ARB2A: variants seen among roughly 807,000 people sequenced by gnomAD.
The protein encoded by ARB2A is ARB2 cotranscriptional regulator A.
chr5:93,687,017 A>C, the ARB2A span, among the ~76,000 whole-genome samples: 1 of 152,164 alleles, frequency 6.6e-6, no homozygotes, highest in African/African-American at 2.4e-5. Flanking sequence ...AACAAACTCC[A>C]TAAGCAAAGC....
the ARB2A span, among the ~76,000 whole-genome samples, chr5:93,673,552 A>G: frequency 6.6e-6 from 1 of 152,358 alleles, no homozygotes; most frequent in African/African-American, 2.4e-5. Context: ...CTTCGTTTAA[A>G]GAATGTATTT....
At chr5:94,092,299 T>C in the ARB2A span, among the ~76,000 whole-genome samples, 6 of 152,124 alleles carry the variant, frequency 3.9e-5, no homozygotes, top group South Asian at 2.1e-4. Flanking sequence ...TGAGCTATGA[T>C]AAAACTTCTA....
chr5:93,944,639 G>C, the ARB2A span, among the ~76,000 whole-genome samples: 1 of 151,602 alleles, frequency 6.6e-6, no homozygotes, highest in Non-Finnish European at 1.5e-5. Flanking sequence ...TGAGGAGATA[G>C]GGAGGAGGGA....
the ARB2A span, among the ~76,000 whole-genome samples, chr5:93,935,800 G>T: frequency 1.1e-3 from 168 of 152,206 alleles, no homozygotes; most frequent in African/African-American, 3.9e-3. Flanking sequence ...AAAGACAACA[G>T]AATCTGAGTT....
the ARB2A span, chr5:93,620,616 G>A: frequency 3.9e-5 from 7 of 181,424 alleles, no homozygotes; most frequent in African/African-American, 7.0e-5. Flanking sequence ...AAGCAGCAGC[G>A]GCTCCGCTAC....
the ARB2A span, among the ~76,000 whole-genome samples, chr5:93,708,232 C>T: frequency 8.5e-5 from 13 of 152,312 alleles, no homozygotes; most frequent in Middle Eastern, 3.4e-3. Context: ...CATCCACCTT[C>T]ATAAAAGTTT....
the ARB2A span, chr5:93,736,213 G>A: frequency 6.6e-6 from 1 of 152,006 alleles, no homozygotes; most frequent in Non-Finnish European, 1.5e-5. Flanking sequence ...AAATAAACTG[G>A]GAACTCAAGC....
chr5:93,830,311 G>GTATATATATATA, the ARB2A span, among the ~76,000 whole-genome samples: 43 of 82,240 alleles, frequency 5.2e-4, no homozygotes, highest in African/African-American at 1.3e-3. Context: ...GTGTGTGTGT[G>GTATATATATATA]TATATATATA....
At chr5:93,881,830 T>A in the ARB2A span, 1 of 430,966 alleles carries the variant, frequency 2.3e-6, no homozygotes, top group African/African-American at 2.1e-5. Context: ...AGATAATGAT[T>A]TTATTTTTTT....
At chr5:93,951,292 CTTGA>C in the ARB2A span, among the ~76,000 whole-genome samples, 1 of 152,100 alleles carries the variant, frequency 6.6e-6, no homozygotes, top group East Asian at 1.9e-4. Context: ...TGTCTCTCCA[CTTGA>C]TTGTTTATTT....
chr5:94,002,742 A>T, the ARB2A span, among the ~76,000 whole-genome samples: 1 of 152,008 alleles, frequency 6.6e-6, no homozygotes, highest in African/African-American at 2.4e-5. Flanking sequence ...AAATAATAAT[A>T]TATCATTTTG....
At chr5:93,845,307 A>G in the ARB2A span, among the ~76,000 whole-genome samples, 1 of 152,238 alleles carries the variant, frequency 6.6e-6, no homozygotes, top group Non-Finnish European at 1.5e-5. Flanking sequence ...AGGAGTACAT[A>G]TAGTTAACAT....
At chr5:93,654,754 T>A in the ARB2A span, among the ~76,000 whole-genome samples, 1 of 152,336 alleles carries the variant, frequency 6.6e-6, no homozygotes, top group East Asian at 1.9e-4. Flanking sequence ...AACTTTATTT[T>A]AAAAAATCAT....
chr5:93,628,052 ATTTTTTTT>A, the ARB2A span, among the ~76,000 whole-genome samples: 253 of 68,346 alleles, frequency 3.7e-3, no homozygotes, highest in African/African-American at 0.012. Flanking sequence ...ATGTAGCATA[ATTTTTTTT>A]TTTTTTTTTT....
chr5:94,018,005 T>C, the ARB2A span, among the ~76,000 whole-genome samples: 8 of 152,186 alleles, frequency 5.3e-5, no homozygotes, highest in East Asian at 3.9e-4. Flanking sequence ...TTCTTCCTCA[T>C]TGTTCTCTTG....
chr5:93,799,607 C>A, the ARB2A span, among the ~76,000 whole-genome samples: 1 of 152,084 alleles, frequency 6.6e-6, no homozygotes, highest in Admixed American at 6.6e-5. Context: ...AAAGCAACAT[C>A]CTGCTAGGAG....
the ARB2A span, among the ~76,000 whole-genome samples, chr5:93,665,357 T>G: frequency 6.6e-6 from 1 of 152,180 alleles, no homozygotes; most frequent in African/African-American, 2.4e-5. Context: ...TATTTCCACA[T>G]AGTGCCTAGA....
the ARB2A span, among the ~76,000 whole-genome samples, chr5:93,698,629 G>T: frequency 6.6e-6 from 1 of 152,178 alleles, no homozygotes; most frequent in Non-Finnish European, 1.5e-5. Flanking sequence ...ATAACTCATT[G>T]CATGTCAGCC....
the ARB2A span, among the ~76,000 whole-genome samples, chr5:93,883,752 A>T: frequency 6.6e-6 from 1 of 151,548 alleles, no homozygotes; most frequent in Non-Finnish European, 1.5e-5. Flanking sequence ...GGCATTCAGT[A>T]CACTGTCTCT....
Sources: allele counts gnomAD v4.1 joint callset (sites outside exome capture counted in the v4.1 genomes callset), GRCh38; gene constraint gnomAD v4.1.1; transcripts MANE v1.5; gene names NCBI Gene and HGNC (gene_info 2026-07-23, HGNC 2026-07-21).